LRRC56: variants seen among roughly 807,000 people sequenced by gnomAD.
LRRC56 encodes leucine rich repeat containing 56.
A neutral mutation model predicts 47.8 loss-of-function variants in LRRC56; 41 were observed. That is an observed-to-expected ratio of 0.86 (90% CI 0.67 to 1.11). LRRC56 has a LOEUF of 1.11. Ranked by LOEUF, LRRC56 falls within the 50% of genes most tolerant of loss-of-function variation. LRRC56 has a pLI of 0.00. For synonymous variants in LRRC56, 387 were observed against 311.2 expected, an observed-to-expected ratio of 1.24 and a Z score of -2.56; for missense variants, 759 against 704.2, an observed-to-expected ratio of 1.08 and a Z score of -0.88.
chr11:542,436 C>T (rs896097246), intron 5 of LRRC56, among the ~76,000 whole-genome samples: 8 of 152,004 alleles, frequency 5.3e-5, no homozygotes, highest in East Asian at 1.9e-4. Flanking sequence ...CATAGCAAGA[C>T]CCCTGTGTCT....
Position 554,475 on chromosome 11 carries a change from C to T in LRRC56, c.*199C>T, listed in dbSNP as rs942197674. On this transcript the variant is annotated 3_prime_UTR_variant, in exon 14 of 14. Coordinates refer to ENST00000270115, the MANE Select transcript of LRRC56 (RefSeq NM_198075.4). ...CAGAGGCTGGAACCCAGTTTAGGCCCCCAACTGGGTTTGGCCTGGGGAGGG... is the reference window on the plus strand; with the variant it reads ...CAGAGGCTGGAACCCAGTTTAGGCCTCCAACTGGGTTTGGCCTGGGGAGGG... 4.3e-6 allele frequency: 2 copies of T among 469,324 alleles called. No individual in the cohort carries two copies. Among genetic ancestry groups the T allele is most frequent in the Non-Finnish European group, 3.6e-6 (1 of 277,100 alleles). The allele number at this position is 469,324 out of a possible 1,614,324, so 29.1% of individuals were successfully genotyped here. A position where few individuals can be genotyped will look rare whatever the true frequency, so the allele number is the denominator to read the frequency against.
At chr11:523,856 A>G in the LRRC56 span, among the ~76,000 whole-genome samples, 1 of 152,166 alleles carries the variant, frequency 6.6e-6, no homozygotes, top group Non-Finnish European at 1.5e-5. Context: ...TGAACCTGGG[A>G]GGCAGAGGTT....
At chr11:549,819 C>A in intron 6 of LRRC56, 83 bp from the exon 7 acceptor site, 1 of 1,239,608 alleles carries the variant, frequency 8.1e-7, no homozygotes, top group Non-Finnish European at 1.2e-6. Flanking sequence ...ACACCTGCCC[C>A]TACCCCTGAA....
At chr11:544,576 C>CTTA (rs1851979657) in intron 5 of LRRC56, 144 bp from the exon 6 acceptor site, 1 of 819,692 alleles carries the variant, frequency 1.2e-6, no homozygotes, top group South Asian at 1.5e-5. Context: ...GCCACGTAAC[C>CTTA]CCTCCTGTGG....
upstream of LRRC56, chr11:534,613 G>A (rs763979495): frequency 9.4e-6 from 5 of 529,880 alleles, no homozygotes; most frequent in Non-Finnish European, 1.0e-5. Context: ...AGCCCTCAAA[G>A]GCAGGGCTGA....
chr11:515,609 G>A, the LRRC56 span, among the ~76,000 whole-genome samples: 9 of 152,116 alleles, frequency 5.9e-5, no homozygotes, highest in Non-Finnish European at 5.9e-5. Context: ...AGGCCAAGGC[G>A]GGTGGATCAC....
rs1171645647 is a variant in LRRC56 at position 554,616 on chromosome 11, C to G, written c.*340C>G. 2.5e-6 allele frequency: 1 copy of G among 402,154 alleles called. No individual in the cohort carries two copies. The highest frequency in any genetic ancestry group is 4.4e-5 in the Admixed American group (1 of 22,962). 24.9% of individuals were successfully genotyped at this position (402,154 alleles called of 1,614,324 possible). On this transcript the variant is annotated 3_prime_UTR_variant, in exon 14 of 14. Transcript: ENST00000270115. ...CTCTCCTGCTAGAATTGGGCATGGCCGAGGGGCAGGGGCTGGAGCTGCGAG... is the reference window on the plus strand; with the variant it reads ...CTCTCCTGCTAGAATTGGGCATGGCGGAGGGGCAGGGGCTGGAGCTGCGAG...
the LRRC56 span, among the ~76,000 whole-genome samples, chr11:518,902 C>G: frequency 1.3e-4 from 20 of 150,570 alleles, no homozygotes; most frequent in South Asian, 2.1e-4. Flanking sequence ...GGGACCGGGG[C>G]GGGGGGGCGT....
the LRRC56 span, among the ~76,000 whole-genome samples, chr11:513,637 G>A: frequency 8.5e-4 from 130 of 152,152 alleles, no homozygotes; most frequent in African/African-American, 2.8e-3. Flanking sequence ...ACAGCATCGC[G>A]TGCTACGGAG....
the LRRC56 span, among the ~76,000 whole-genome samples, chr11:509,997 G>A: frequency 2.0e-3 from 136 of 67,538 alleles, no homozygotes; most frequent in East Asian, 0.016. Flanking sequence ...TCATTTCCCC[G>A]GGTCCTGGCC....
chr11:510,861 A>G, the LRRC56 span, among the ~76,000 whole-genome samples: 1 of 151,958 alleles, frequency 6.6e-6, no homozygotes, highest in South Asian at 2.1e-4. Flanking sequence ...GTGAGCAGAG[A>G]CCACACCACT....
Position 538,641 on chromosome 11 carries a change from A to T in LRRC56, c.-378A>T, listed in dbSNP as rs1237793123. The T allele has an allele frequency of 6.6e-6, 1 of 152,298 alleles. No individual in the cohort carries two copies. The highest frequency in any genetic ancestry group is 1.9e-4 in the East Asian group (1 of 5,202). The allele number at this position is 152,298 out of a possible 1,614,324, so 9.4% of individuals were successfully genotyped here. On this transcript the variant is annotated 5_prime_UTR_variant, in exon 2 of 14. Coordinates refer to ENST00000270115, the MANE Select transcript of LRRC56 (RefSeq NM_198075.4). Reference sequence around the variant, plus strand: ...ACAGGGGCAGCTCTAGACGGGATGGAGAGGATGCATCTTCAGTGTCCACAC... The same window carrying T: ...ACAGGGGCAGCTCTAGACGGGATGGTGAGGATGCATCTTCAGTGTCCACAC...
At chr11:517,962 G>A in the LRRC56 span, among the ~76,000 whole-genome samples, 1 of 152,126 alleles carries the variant, frequency 6.6e-6, no homozygotes, top group African/African-American at 2.4e-5. Context: ...CAGATGCTTG[G>A]AGGCAGCATG....
intron 6 of LRRC56, among the ~76,000 whole-genome samples, chr11:546,069 G>C (rs1163917558): frequency 6.6e-6 from 1 of 152,048 alleles, no homozygotes; most frequent in South Asian, 2.1e-4. Flanking sequence ...TCAGGAGTTC[G>C]AGACCAGCCT....
At chr11:548,058 A>G (rs1045608589) in intron 6 of LRRC56, among the ~76,000 whole-genome samples, 19 of 152,070 alleles carry the variant, frequency 1.2e-4, no homozygotes, top group Middle Eastern at 3.2e-3. Context: ...CCTGGGAGGC[A>G]GAGGTTGCAG....
chr11:518,825 G>A, the LRRC56 span, among the ~76,000 whole-genome samples: 1 of 151,952 alleles, frequency 6.6e-6, no homozygotes, highest in Admixed American at 6.6e-5. Flanking sequence ...GGCGGCGCGC[G>A]AGGAAGGAGC....
the LRRC56 span, chr11:528,916 T>G: frequency 1.3e-5 from 2 of 152,274 alleles, no homozygotes; most frequent in Admixed American, 1.3e-4. Context: ...GGAGACACAG[T>G]GGGTGTCCGA....
At chr11:513,875 C>T in the LRRC56 span, among the ~76,000 whole-genome samples, 1 of 151,990 alleles carries the variant, frequency 6.6e-6, no homozygotes, top group East Asian at 1.9e-4. Context: ...CTTCAGCCAC[C>T]ACCACCCTGA....
intron 6 of LRRC56, among the ~76,000 whole-genome samples, chr11:545,363 C>G (rs1852016667): frequency 6.6e-6 from 1 of 152,234 alleles, no homozygotes; most frequent in African/African-American, 2.4e-5. Flanking sequence ...CATTGCAGCC[C>G]AGGACTTTGG....
Sources: gnomAD v4.1 joint callset for allele counts (sites outside exome capture counted in the v4.1 genomes callset) on GRCh38, gnomAD v4.1.1 for gene constraint, MANE v1.5 for transcripts, NCBI Gene and HGNC (gene_info 2026-07-23, HGNC 2026-07-21) for gene names.